ANO3: variants seen among roughly 807,000 people sequenced by gnomAD.
The protein encoded by ANO3 is anoctamin-3.
A neutral mutation model predicts 144.8 loss-of-function variants in ANO3; 99 were observed. The ratio of observed to expected loss-of-function variants is 0.68; its 90% confidence interval spans 0.58 to 0.81. ANO3 has a LOEUF of 0.81. Among genes scored for constraint, ANO3 ranks in the 30% least tolerant of loss-of-function variants. ANO3 has a pLI of 0.00. For synonymous variants in ANO3, 414 were observed against 392.6 expected, an observed-to-expected ratio of 1.05 and a Z score of -0.64; for missense variants, 905 against 1,202.2, an observed-to-expected ratio of 0.75 and a Z score of 3.66.
intron 5 of ANO3, among the ~76,000 whole-genome samples, chr11:26,514,269 C>A (rs945023404): frequency 6.6e-6 from 1 of 151,902 alleles, no homozygotes; most frequent in Non-Finnish European, 1.5e-5. Context: ...GAGGCTCTAC[C>A]AAAGATGAAT....
In ANO3 at chr11:26,441,973, G is replaced by T; in HGVS notation, c.102G>T (p.Arg34=). 6.2e-7 allele frequency: 1 copy of T among 1,614,066 alleles called. No homozygotes were observed. The highest frequency in any genetic ancestry group is 8.5e-7 in the Non-Finnish European group (1 of 1,180,000). ...AAGAAACTTCGTTAAAACCGTCTCG[G>T]AGATCCCTGCCTTGCCTCGCCCAGA... ...ITKETSLKPS[R]RSLPCLAQSY... The change falls in exon 2 of 27, where the codon CGG becomes CGT. Residue 34 remains arginine (R), a synonymous_variant. Transcript: ENST00000256737.
intron 23 of ANO3, among the ~76,000 whole-genome samples, chr11:26,645,151 G>A (rs929682039): frequency 1.3e-5 from 2 of 151,876 alleles, no homozygotes; most frequent in African/African-American, 4.8e-5. Flanking sequence ...TTAAATTGTT[G>A]ATGCATTTAA....
Position 26,268,527 on chromosome 11 carries a change from G to GA in ANO3, c.155-41110dup, listed in dbSNP as rs897937917. Among the ~76,000 whole-genome samples, 20 of 151,732 alleles carry GA rather than the reference G, an allele frequency of 1.3e-4. 1 individual carries two copies. In the South Asian group the frequency reaches 3.5e-3, roughly 27 times the overall value. On this transcript the variant is annotated intron_variant, in intron 1 of 27. Transcript: ENST00000672621. ...GGAATGTCAAAGGTCTCTTTTACTTGAAAAAAAACAAAAGTATCTTCTGAA... is the reference window on the plus strand; with the variant it reads ...GGAATGTCAAAGGTCTCTTTTACTTGAAAAAAAAACAAAAGTATCTTCTGAA...
chr11:26,378,704 G>A lies in ANO3; in HGVS notation c.46+46383G>A, dbSNP rs559043778. ...GGCAAATTGAGGTGAAATATTACCT[G>A]CATTACCAGTAAAGGCTGATGATAT... is the stretch of plus-strand genomic sequence containing the variant. On this transcript the variant is annotated intron_variant, in intron 1 of 26. Coordinates refer to ENST00000256737, the MANE Select transcript of ANO3 (RefSeq NM_031418.4). 1.1e-4 allele frequency among the ~76,000 whole-genome samples: 16 copies of A among 152,082 alleles called. No individual in the cohort carries two copies. The South Asian group carries it at 3.3e-3, about 32-fold the overall frequency.
intron 1 of ANO3, among the ~76,000 whole-genome samples, chr11:26,376,601 C>T (rs1028826135): frequency 1.3e-5 from 2 of 151,950 alleles, no homozygotes; most frequent in Non-Finnish European, 2.9e-5. Flanking sequence ...CACCCCTACC[C>T]GCTCCAAAAA....
intron 4 of ANO3, among the ~76,000 whole-genome samples, chr11:26,466,701 G>A (rs1859614433): frequency 6.6e-6 from 1 of 151,956 alleles, no homozygotes; most frequent in Admixed American, 6.6e-5. Context: ...TCGCAACTGA[G>A]ACCAGAAGAG....
intron 23 of ANO3, among the ~76,000 whole-genome samples, chr11:26,647,328 G>T (rs796120645): frequency 6.6e-6 from 1 of 152,138 alleles, no homozygotes; most frequent in Non-Finnish European, 1.5e-5. Context: ...AGTGAATGCA[G>T]ATATTTCACA....
intron 1 of ANO3, among the ~76,000 whole-genome samples, chr11:26,250,399 A>G (rs1156634648): frequency 6.6e-6 from 1 of 152,194 alleles, no homozygotes; most frequent in Non-Finnish European, 1.5e-5. Context: ...GAGGACCACA[A>G]CAGTCTCTGG....
intron 1 of ANO3, among the ~76,000 whole-genome samples, chr11:26,200,336 T>A (rs975863737): frequency 1.3e-5 from 2 of 152,312 alleles, no homozygotes; most frequent in East Asian, 1.9e-4. Flanking sequence ...TAGAACACTT[T>A]CCTTTTCTTC....
intron 1 of ANO3, among the ~76,000 whole-genome samples, chr11:26,385,824 TAC>T (rs71047847): frequency 0.18 from 24,821 of 137,578 alleles, 2,151 homozygotes; most frequent in Admixed American, 0.23. Context: ...TTCACACACA[TAC>T]ACACACACAC....
rs1406091427 is a variant in ANO3, at chr11:26,510,150, A to G, written c.591+1888A>G. Among the ~76,000 whole-genome samples the G allele has an allele frequency of 6.1e-3, 801 of 131,236 alleles. 55 individuals are homozygous for G. Among genetic ancestry groups the G allele is most frequent in the African/African-American group, 0.012 (442 of 35,420 alleles). 86.1% of individuals were successfully genotyped at this position (131,236 alleles called of 152,430 possible). ...TCCATCTCAAAAAAAAAAAAAAAAA[A>G]AAAGAGTAGAAAAGAAAAACTAATC... On this transcript the variant is annotated intron_variant, in intron 5 of 26. Coordinates refer to ENST00000256737, the MANE Select transcript of ANO3 (RefSeq NM_031418.4).
At chr11:26,588,771 C>T (rs12288077) in intron 14 of ANO3, among the ~76,000 whole-genome samples, 18,257 of 152,096 alleles carry the variant, frequency 0.12, 1,300 homozygotes, top group African/African-American at 0.2. Flanking sequence ...GTTGTACTTG[C>T]TTACTTAATA....
intron 5 of ANO3, among the ~76,000 whole-genome samples, chr11:26,513,534 A>T (rs1861748661): frequency 6.6e-6 from 1 of 152,188 alleles, no homozygotes; most frequent in Admixed American, 6.6e-5. Flanking sequence ...AAATCTTTCC[A>T]GATCTCTTCC....
intron 14 of ANO3, 109 bp from the exon 15 acceptor site, chr11:26,598,256 T>A (rs976405689): frequency 1.3e-5 from 6 of 475,398 alleles, no homozygotes; most frequent in Non-Finnish European, 2.0e-5. Flanking sequence ...AATTTTAATT[T>A]ATTATTTTCA....
chr11:26,572,155 C>T (rs1850854312), intron 14 of ANO3: 1 of 985,254 alleles, frequency 1.0e-6, no homozygotes, highest in Admixed American at 6.2e-5. Context: ...CAATGTCGCA[C>T]TGAGCAGGAG....
At chr11:26,450,301 A>G (rs576587477) in intron 3 of ANO3, among the ~76,000 whole-genome samples, 1 of 152,120 alleles carries the variant, frequency 6.6e-6, no homozygotes, top group Non-Finnish European at 1.5e-5. Context: ...CACTGACACA[A>G]TGGAAAGCAG....
intron 1 of ANO3, among the ~76,000 whole-genome samples, chr11:26,236,326 T>C (rs1852520893): frequency 6.6e-6 from 1 of 152,192 alleles, no homozygotes; most frequent in African/African-American, 2.4e-5. Flanking sequence ...TATTGCCAAA[T>C]TTCTCTCAAA....
At chr11:26,236,921 A>T (rs1282471405) in intron 1 of ANO3, among the ~76,000 whole-genome samples, 1 of 152,122 alleles carries the variant, frequency 6.6e-6, no homozygotes, top group Non-Finnish European at 1.5e-5. Context: ...ATACAGTTAT[A>T]AAAGATTTTT....
chr11:26,295,178 G>A (rs765237280), intron 1 of ANO3, among the ~76,000 whole-genome samples: 12 of 151,832 alleles, frequency 7.9e-5, no homozygotes, highest in Admixed American at 3.3e-4. Flanking sequence ...CCTCCTAGAG[G>A]GCTGGATTAC....
Sources: allele counts gnomAD v4.1 joint callset (sites outside exome capture counted in the v4.1 genomes callset), GRCh38; gene constraint gnomAD v4.1.1; transcripts MANE v1.5; gene names NCBI Gene and HGNC (gene_info 2026-07-23, HGNC 2026-07-21).